The following IKZF5 variants were observed in gnomAD, a reference collection of about 807,000 sequenced individuals.
IKZF5 encodes the protein IKAROS family zinc finger 5, also known as zinc finger protein Pegasus.
Under a neutral mutation model 30.7 loss-of-function variants are expected in IKZF5, and 4 were observed. The observed-to-expected ratio is 0.13, with a 90% CI of 0.06 to 0.30. The LOEUF (loss-of-function observed/expected upper bound fraction) is 0.30. Ranked by LOEUF, IKZF5 falls within the 10% of genes least tolerant of loss-of-function variation. The pLI, the probability that IKZF5 is intolerant of heterozygous loss-of-function variation, is 1.00. For missense variants in IKZF5, 348 were observed against 525.5 expected (o/e 0.66, Z 3.30); for synonymous variants, 148 against 179.6 (o/e 0.82, Z 1.41).
intron 1 of IKZF5, among the ~76,000 whole-genome samples, chr10:123,008,406 G>A (rs954299834): frequency 6.6e-6 from 1 of 152,142 alleles, no homozygotes; most frequent in East Asian, 1.9e-4. Flanking sequence ...CCAAGCAACA[G>A]TCCCCGCCCC....
chr10:123,007,507 G>C (rs1178875729), intron 1 of IKZF5, among the ~76,000 whole-genome samples: 1 of 152,136 alleles, frequency 6.6e-6, no homozygotes, highest in South Asian at 2.1e-4. Flanking sequence ...CTTCCAAAAC[G>C]GTCAAGCTTA....
In IKZF5 at chr10:122,993,765, T is replaced by A; in HGVS notation, c.*15A>T. Reference sequence around the variant, plus strand: ...ACAAAAACAGCAAAACTAAGTAAAATATGACTATTTTCAATCAATGTTGGT... The same window carrying A: ...ACAAAAACAGCAAAACTAAGTAAAAAATGACTATTTTCAATCAATGTTGGT... On this transcript the variant is annotated 3_prime_UTR_variant, in exon 5 of 5. Transcript: ENST00000368886. The A allele has an allele frequency of 1.3e-6, 2 of 1,535,302 alleles. No homozygotes were observed. The highest frequency in any genetic ancestry group is 2.3e-5 in the East Asian group (1 of 43,714).
chr10:122,998,520 C>A lies in IKZF5; in HGVS notation c.106G>T (p.Asp36Tyr). The A allele has an allele frequency of 6.2e-7, 1 of 1,612,676 alleles. No homozygotes were observed. Among genetic ancestry groups the A allele is most frequent in the Non-Finnish European group, 8.5e-7 (1 of 1,179,154 alleles). ...CCCTGAAGAGCCTCTGCTTCTTTGT[C>A]CCCACTAACTGATCCAGAAATCATG... The part of the protein sequence containing the change: ...VNMISGSVSG[D>Y]KEAEALQGAG... The change falls in exon 3 of 5, where the codon GAC becomes TAC. Residue 36 changes from aspartate (D) to tyrosine (Y), a missense_variant. This residue lies in a region of IKZF5 where 80 missense variants were observed against 93.2 expected (regional missense o/e 0.86). Coordinates refer to ENST00000368886, the MANE Select transcript of IKZF5 (RefSeq NM_001372123.1).
intron 2 of IKZF5, 25 bp from the exon 3 acceptor site, chr10:122,998,696 G>C (rs1849477873): frequency 7.3e-7 from 1 of 1,373,214 alleles, no homozygotes; most frequent in Non-Finnish European, 1.0e-6. Context: ...CACTATTTAG[G>C]GAGATCTAGT....
chr10:122,996,129 C>T lies in IKZF5; in HGVS notation c.181G>A (p.Val61Ile). 1 of 1,614,102 alleles carries T rather than the reference C, an allele frequency of 6.2e-7. No homozygotes were observed. The highest frequency in any genetic ancestry group is 1.1e-5 in the South Asian group (1 of 91,088). Reference protein sequence around the residue: ...QNGLDHPSVEVSLDENSGMLV... With the variant: ...QNGLDHPSVEISLDENSGMLV... ...ATTCCTGAGTTTTCATCCAAGGAAA[C>T]TTCAACAGATGGGTGATCAAGTCCA... is the stretch of plus-strand genomic sequence containing the variant. Residue 61 changes from valine (V) to isoleucine (I), a missense_variant, in exon 4 of 5, where the codon GTT becomes ATT. This residue lies in a region of IKZF5 where 80 missense variants were observed against 93.2 expected (regional missense o/e 0.86). Coordinates refer to ENST00000368886, the MANE Select transcript of IKZF5 (RefSeq NM_001372123.1).
chr10:123,008,042 C>G (rs1285611040), intron 1 of IKZF5, among the ~76,000 whole-genome samples: 1 of 152,142 alleles, frequency 6.6e-6, no homozygotes, highest in East Asian at 1.9e-4. Flanking sequence ...GCATGCTAGG[C>G]TTGGCTACTC....
rs1849261825 is a variant in IKZF5, at chr10:122,994,019, G to C, written c.1021C>G (p.Pro341Ala). The part of the protein sequence containing the change: ...SSEPSAHTST[P>A]SIGNSQPSTP... Reference sequence around the variant, plus strand: ...CTTGGCTGGCTGTTTCCTATGCTGGGAGTGCTCGTGTGGGCACTTGGCTCA... The same window carrying C: ...CTTGGCTGGCTGTTTCCTATGCTGGCAGTGCTCGTGTGGGCACTTGGCTCA... Residue 341 changes from proline (P) to alanine (A), a missense_variant, in exon 5 of 5, where the codon CCC becomes GCC. By Grantham distance (27) the Pro-to-Ala change is conservative (BLOSUM62 -1). Around this residue, in one of 4 missense-constraint regions of IKZF5, gnomAD observed 56 missense variants for 104.7 expected, o/e 0.53. Coordinates refer to ENST00000368886, the MANE Select transcript of IKZF5 (RefSeq NM_001372123.1). The surrounding 1 kb of genome is among the most constrained non-coding windows in gnomAD (Gnocchi z 5.6). 7 of 1,614,128 alleles carry C rather than the reference G, an allele frequency of 4.3e-6. No homozygotes were observed. The highest frequency in any genetic ancestry group is 5.9e-6 in the Non-Finnish European group (7 of 1,180,032).
chr10:122,993,554 GAAA>G lies in IKZF5; in HGVS notation c.*223_*225del. 2.9e-6 allele frequency: 1 copy of G among 347,932 alleles called. No homozygotes were observed. The highest frequency in any genetic ancestry group is 5.2e-6 in the Non-Finnish European group (1 of 194,008). The allele number at this position is 347,932 out of a possible 1,614,324, so 21.6% of individuals were successfully genotyped here. A position where few individuals can be genotyped will look rare whatever the true frequency, so the allele number is the denominator to read the frequency against. On this transcript the variant is annotated 3_prime_UTR_variant, in exon 5 of 5. Coordinates refer to ENST00000368886, the MANE Select transcript of IKZF5 (RefSeq NM_001372123.1). ...CAATTCTCCAATGTCGAAAGGAAAG[GAAA>G]AAAGAGACACCAATGTGTCTAACTG...
rs746833837 is a variant in IKZF5 at position 122,994,505 on chromosome 10, A to G, written c.535T>C (p.Trp179Arg). 76 of 1,613,890 alleles carry G rather than the reference A, an allele frequency of 4.7e-5. No homozygotes were observed. Among genetic ancestry groups the G allele is most frequent in the Non-Finnish European group, 6.4e-5 (76 of 1,179,970 alleles). The change falls in exon 5 of 5, where the codon TGG (tryptophan) becomes CGG (arginine). Residue 179 changes from tryptophan (W) to arginine (R), a missense_variant. This residue lies in a region of IKZF5 where 176 missense variants were observed against 198.2 expected (regional missense o/e 0.89). Coordinates refer to ENST00000368886, the MANE Select transcript of IKZF5 (RefSeq NM_001372123.1). This position sits in a 1 kb window ranked among gnomAD's most constrained non-coding sequence, Gnocchi z 5.6. ...TRSSLSSKKM[W>R]GVLQKKTSNL... The stretch of plus-strand genomic sequence containing the variant: ...CTTGTTTTCTTCTGTAAAACCCCCC[A>G]CATTTTCTTGCTGCTTAAGGAAGAC...
rs767229956 is a variant in IKZF5, at chr10:122,994,046, T to C, written c.994A>G (p.Ser332Gly). The change falls in exon 5 of 5, where the codon AGT (serine) becomes GGT (glycine). Residue 332 changes from serine to glycine, a missense_variant. Ser to Gly is a moderately conservative substitution (Grantham distance 56, BLOSUM62 0). Transcript: ENST00000368886. This position sits in a 1 kb window ranked among gnomAD's most constrained non-coding sequence, Gnocchi z 5.6. ...RNYSPVAGPS[S>G]EPSAHTSTPS... ...GTGCTCGTGTGGGCACTTGGCTCACTGCTTGGACCTGCCACTGGACTATAG... is the reference window on the plus strand; with the variant it reads ...GTGCTCGTGTGGGCACTTGGCTCACCGCTTGGACCTGCCACTGGACTATAG... 1.5e-5 allele frequency: 24 copies of C among 1,614,024 alleles called. No homozygotes were observed. Among genetic ancestry groups the C allele is most frequent in the Non-Finnish European group, 2.0e-5 (24 of 1,180,036 alleles).
chr10:122,992,527 C>G lies in IKZF5; in HGVS notation c.*1253G>C, dbSNP rs561396574. ...TACACAATATAAAAACAATAGCCTC[C>G]TATTCAAAATGAATTACTCTATATT... On this transcript the variant is annotated 3_prime_UTR_variant, in exon 5 of 5. Transcript: ENST00000368886. The G allele has an allele frequency of 6.6e-6, 1 of 152,268 alleles. No homozygotes were observed. The highest frequency in any genetic ancestry group is 1.5e-5 in the Non-Finnish European group (1 of 68,004). The allele number at this position is 152,268 out of a possible 1,614,324, so 9.4% of individuals were successfully genotyped here.
Position 122,994,459 on chromosome 10 carries a change from C to T in IKZF5, c.581G>A (p.Arg194Lys). The change falls in exon 5 of 5, where the codon AGA (arginine) becomes AAA (lysine). Residue 194 changes from arginine to lysine, a missense_variant. Physicochemically the swap from Arg to Lys is conservative, Grantham distance 26. Around this residue, in one of 4 missense-constraint regions of IKZF5, gnomAD observed 176 missense variants for 198.2 expected, o/e 0.89. Transcript: ENST00000368886. This position sits in a 1 kb window ranked among gnomAD's most constrained non-coding sequence, Gnocchi z 5.6. ...KKTSNLGYSR[R>K]ALINLSPPSM... is the part of the protein sequence containing the mutation. ...AGGTGGACTTAAGTTGATTAGTGCT[C>T]TTCTGCTATAGCCCAGATTGCTTGT... 3.7e-6 allele frequency: 6 copies of T among 1,614,128 alleles called. No individual in the cohort carries two copies. Among genetic ancestry groups the T allele is most frequent in the Non-Finnish European group, 5.1e-6 (6 of 1,180,028 alleles).
intron 2 of IKZF5, among the ~76,000 whole-genome samples, chr10:123,002,686 G>A (rs559172531): frequency 5.9e-5 from 9 of 151,486 alleles, no homozygotes; most frequent in Admixed American, 2.0e-4. Flanking sequence ...TTAGCCAGGC[G>A]TGGTGGCAGA....
intron 4 of IKZF5, among the ~76,000 whole-genome samples, chr10:122,995,647 C>T (rs1375511912): frequency 2.6e-5 from 4 of 152,152 alleles, no homozygotes; most frequent in Non-Finnish European, 5.9e-5. Context: ...TTCCCCCTTT[C>T]GGCAAATGAA....
At position 122,998,487 on chromosome 10, in the gene IKZF5, G is replaced by A. The variant is rs759368656; in HGVS notation, c.133+6C>T. On this transcript the variant is annotated splice_donor_region_variant and intron_variant, in intron 3 of 4. Coordinates refer to ENST00000368886, the MANE Select transcript of IKZF5 (RefSeq NM_001372123.1). ...GAATTACTTAGTAGTATTAAAATGA[G>A]TCTACCTCCCTGAAGAGCCTCTGCT... is the stretch of plus-strand genomic sequence containing the variant. The A allele has an allele frequency of 1.2e-6, 2 of 1,606,526 alleles. No individual in the cohort carries two copies. The highest frequency in any genetic ancestry group is 1.7e-5 in the Admixed American group (1 of 58,622).
Position 122,992,530 on chromosome 10 carries a change from T to C in IKZF5, c.*1250A>G, listed in dbSNP as rs183169388. The C allele has an allele frequency of 3.4e-3, 523 of 152,310 alleles. 3 individuals carry two copies. The highest frequency in any genetic ancestry group is 0.011 in the African/African-American group (469 of 41,586). 9.4% of individuals were successfully genotyped at this position (152,310 alleles called of 1,614,324 possible). A position where few individuals can be genotyped will look rare whatever the true frequency, so the allele number is the denominator to read the frequency against. Reference sequence around the variant, plus strand: ...ACAATATAAAAACAATAGCCTCCTATTCAAAATGAATTACTCTATATTTAG... The same window carrying C: ...ACAATATAAAAACAATAGCCTCCTACTCAAAATGAATTACTCTATATTTAG... On this transcript the variant is annotated 3_prime_UTR_variant, in exon 5 of 5. Coordinates refer to ENST00000368886, the MANE Select transcript of IKZF5 (RefSeq NM_001372123.1).
At chr10:123,002,238 G>T (rs577553652) in intron 2 of IKZF5, among the ~76,000 whole-genome samples, 21 of 152,126 alleles carry the variant, frequency 1.4e-4, no homozygotes, top group Admixed American at 5.2e-4. Context: ...ATTATTAGTG[G>T]CCGGGCGCAG....
In IKZF5 at chr10:122,998,505, C is replaced by G; in HGVS notation, c.121G>C (p.Ala41Pro). 6.2e-7 allele frequency: 1 copy of G among 1,611,754 alleles called. No individual in the cohort carries two copies. Among genetic ancestry groups the G allele is most frequent in the East Asian group, 2.2e-5 (1 of 44,846 alleles). Residue 41 changes from alanine to proline, a missense_variant, in exon 3 of 5, where the codon GCT (alanine) becomes CCT (proline). Coordinates refer to ENST00000368886, the MANE Select transcript of IKZF5 (RefSeq NM_001372123.1). ...GSVSGDKEAEALQGAGTDGDQ... is the reference protein window; with the variant it reads ...GSVSGDKEAEPLQGAGTDGDQ... ...AAAATGAGTCTACCTCCCTGAAGAG[C>G]CTCTGCTTCTTTGTCCCCACTAACT...
chr10:122,994,272 C>G lies in IKZF5; in HGVS notation c.768G>C (p.Ser256=). 6.2e-7 allele frequency: 1 copy of G among 1,613,792 alleles called. No individual in the cohort carries two copies. The highest frequency in any genetic ancestry group is 1.7e-5 in the Admixed American group (1 of 59,992). ...GACTGGACAACTGCCCTGCTAGAGT[C>G]GAGAGCTGATTCAAAGGGTTATCAA... ...LMVDNPLNQL[S]TLAGQLSSLP... is the part of the protein sequence containing the mutation. The change falls in exon 5 of 5, where the codon TCG becomes TCC. Residue 256 remains serine, a synonymous_variant. Transcript: ENST00000368886. The surrounding 1 kb of genome is among the most constrained non-coding windows in gnomAD (Gnocchi z 5.6).
Sources: allele counts gnomAD v4.1 joint callset (sites outside exome capture counted in the v4.1 genomes callset), GRCh38; gene constraint gnomAD v4.1.1; regional missense constraint gnomAD v4.1.1; non-coding constraint Gnocchi (gnomAD v3.1); transcripts MANE v1.5; gene names NCBI Gene and HGNC (gene_info 2026-07-23, HGNC 2026-07-21).